ANKRD26: variants seen among roughly 807,000 people sequenced by gnomAD.
The protein encoded by ANKRD26 is ankyrin repeat domain 26.
In ANKRD26, 141 loss-of-function variants were observed where a neutral mutation model predicts 208.7. The observed-to-expected ratio is 0.68, with a 90% CI of 0.59 to 0.78. ANKRD26 has a LOEUF of 0.78. Ranked by LOEUF, ANKRD26 falls within the 30% of genes least tolerant of loss-of-function variation. ANKRD26 has a pLI of 0.00. For missense variants in ANKRD26, 1,889 were observed against 1,938.7 expected, an observed-to-expected ratio of 0.97 and a Z score of 0.48; for synonymous variants, 636 against 660.4, an observed-to-expected ratio of 0.96 and a Z score of 0.57.
intron 31 of ANKRD26, among the ~76,000 whole-genome samples, chr10:27,013,619 A>AGAGATTAAAACCAG (rs2053191855): frequency 6.6e-6 from 1 of 152,234 alleles, no homozygotes; most frequent in South Asian, 2.1e-4. Flanking sequence ...AAATACTTGT[A>AGAGATTAAAACCAG]TTTAGTAAAC....
chr10:26,987,108 T>G (rs1350820824), downstream of ANKRD26, among the ~76,000 whole-genome samples: 5 of 151,974 alleles, frequency 3.3e-5, no homozygotes, highest in Non-Finnish European at 7.4e-5. Flanking sequence ...CCATAAAAAA[T>G]GATGAGTTCA....
chr10:27,033,138 A>G, intron 25 of ANKRD26, 87 bp downstream of exon 25: 1 of 953,322 alleles, frequency 1.0e-6, no homozygotes, highest in African/African-American at 1.7e-5. Context: ...ACACAAAAGA[A>G]GGCTACCCAC....
rs746897749 is a variant in ANKRD26, at chr10:27,033,386, A to T, written c.3655-9T>A. On this transcript the variant is annotated splice_polypyrimidine_tract_variant and intron_variant, in intron 24 of 33. Transcript: ENST00000376087. Reference sequence around the variant, plus strand: ...AGTTGTCTCACAACAACCTGATAAGACATTTTGTTACTGATTTTATAAATC... The same window carrying T: ...AGTTGTCTCACAACAACCTGATAAGTCATTTTGTTACTGATTTTATAAATC... 6.2e-7 allele frequency: 1 copy of T among 1,606,662 alleles called. No homozygotes were observed. The highest frequency in any genetic ancestry group is 8.5e-7 in the Non-Finnish European group (1 of 1,175,778).
At chr10:26,949,681 T>C in the ANKRD26 span, among the ~76,000 whole-genome samples, 1 of 152,168 alleles carries the variant, frequency 6.6e-6, no homozygotes, top group South Asian at 2.1e-4. Flanking sequence ...ATTTTTGTAT[T>C]TTTAGTAGAG....
chr10:27,071,898 TC>T, intron 9 of ANKRD26, among the ~76,000 whole-genome samples: 1 of 152,156 alleles, frequency 6.6e-6, no homozygotes, highest in Non-Finnish European at 1.5e-5. Flanking sequence ...TTGCATGCAT[TC>T]CCTGACTCCA....
At chr10:27,037,801 A>G (rs2054092604) in intron 22 of ANKRD26, 70 bp downstream of exon 22, 1 of 1,254,844 alleles carries the variant, frequency 8.0e-7, no homozygotes, top group Non-Finnish European at 1.1e-6. Flanking sequence ...CATATATTAA[A>G]TCAAAAGGAT....
rs74128529 is a variant in ANKRD26, at chr10:27,014,732, A to T, written c.4507-21T>A. The T allele has an allele frequency of 4.2e-5, 67 of 1,591,526 alleles. No individual in the cohort carries two copies. The South Asian group carries it at 7.2e-4, about 17-fold the overall frequency. On this transcript the variant is annotated intron_variant, in intron 30 of 33. Transcript: ENST00000376087. ...TGTGCCTAAAACAAATTAAAAGCAT[A>T]TGTTTTAAAAATATATAACCTGAGT...
At chr10:27,043,373 A>C (rs1299504973) in intron 20 of ANKRD26, 53 bp downstream of exon 20, 1 of 1,580,334 alleles carries the variant, frequency 6.3e-7, no homozygotes, top group African/African-American at 1.3e-5. Context: ...ATTACATTAC[A>C]TACATTACAA....
intron 11 of ANKRD26, among the ~76,000 whole-genome samples, chr10:27,065,762 C>A (rs1213766442): frequency 6.7e-6 from 1 of 148,900 alleles, no homozygotes; most frequent in Non-Finnish European, 1.5e-5. Flanking sequence ...AACTACATTC[C>A]AAACTGTTTC....
At chr10:26,964,559 T>C in the ANKRD26 span, among the ~76,000 whole-genome samples, 64,855 of 151,984 alleles carry the variant, frequency 0.43, 16,525 homozygotes, top group Non-Finnish European at 0.54. Flanking sequence ...TGAGAAGAAA[T>C]AGTGTTTGAT....
At chr10:27,028,374 A>G (rs912980940) in intron 27 of ANKRD26, among the ~76,000 whole-genome samples, 1 of 151,964 alleles carries the variant, frequency 6.6e-6, no homozygotes, top group East Asian at 1.9e-4. Flanking sequence ...AGGCGGGCGG[A>G]TCATGAGGTC....
the ANKRD26 span, among the ~76,000 whole-genome samples, chr10:26,955,776 A>T: frequency 6.6e-6 from 1 of 152,226 alleles, no homozygotes; most frequent in African/African-American, 2.4e-5. Context: ...AAGTGAGAAC[A>T]TTAAGAAGGC....
rs189290581 is a variant in ANKRD26, at chr10:27,030,167, G to T, written c.3808-811C>A. ...TTAGGCAGATGGCATGCCAATGGAAGTGGTCTACTATAGCTGCACTGAATC... is the reference window on the plus strand; with the variant it reads ...TTAGGCAGATGGCATGCCAATGGAATTGGTCTACTATAGCTGCACTGAATC... On this transcript the variant is annotated intron_variant, in intron 25 of 33. Transcript: ENST00000376087. 1.4e-4 allele frequency among the ~76,000 whole-genome samples: 21 copies of T among 152,300 alleles called. 1 individual carries two copies. Among genetic ancestry groups the T allele is most frequent in the Admixed American group, 1.4e-3 (21 of 15,302 alleles).
the ANKRD26 span, among the ~76,000 whole-genome samples, chr10:26,952,852 G>A: frequency 1.3e-5 from 2 of 152,230 alleles, no homozygotes; most frequent in East Asian, 1.9e-4. Context: ...GAGTTATGCT[G>A]GTAACTGCTA....
chr10:27,084,037 A>AC (rs2056022782), intron 5 of ANKRD26, among the ~76,000 whole-genome samples: 1 of 151,948 alleles, frequency 6.6e-6, no homozygotes, highest in Admixed American at 6.6e-5. Flanking sequence ...ACATGGAGAA[A>AC]CCCCGTCTCT....
chr10:27,093,411 C>T lies in ANKRD26; in HGVS notation c.469G>A (p.Glu157Lys). Residue 157 changes from glutamate to lysine, a missense_variant, in exon 3 of 34, where the codon GAG (glutamate) becomes AAG (lysine). By Grantham distance (56) the Glu-to-Lys change is moderately conservative. Coordinates refer to ENST00000376087, the MANE Select transcript of ANKRD26 (RefSeq NM_014915.3). ...NTALHYAVYN[E>K]DISVATKLLL... The stretch of plus-strand genomic sequence containing the variant: ...AGCTTTGTTGCTACTGATATGTCCT[C>T]ATTATAGACAGCATAGTGAAGAGCA... 1 of 1,614,176 alleles carries T rather than the reference C, an allele frequency of 6.2e-7. No homozygotes were observed. Among genetic ancestry groups the T allele is most frequent in the Non-Finnish European group, 8.5e-7 (1 of 1,180,028 alleles).
At position 27,006,796 on chromosome 10, in the gene ANKRD26, AG is replaced by A. The variant is rs1363690426; in HGVS notation, c.4999+120del. ...ATCTTTCATTAGATGTGTGTAAGAA[AG>A]AACATTTAATGTAGTATCTATTAGC... On this transcript the variant is annotated intron_variant, in intron 33 of 33. Transcript: ENST00000376087. The A allele has an allele frequency of 3.9e-6, 3 of 770,814 alleles. No individual in the cohort carries two copies. In the African/African-American group the frequency reaches 5.2e-5, roughly 13 times the overall value. 47.7% of individuals were successfully genotyped at this position (770,814 alleles called of 1,614,324 possible).
rs188593400 is a variant in ANKRD26 at position 27,046,832 on chromosome 10, A to G, written c.1815-309T>C. Among the ~76,000 whole-genome samples, 51 of 152,282 alleles carry G rather than the reference A, an allele frequency of 3.3e-4. No homozygotes were observed. In the East Asian group the frequency reaches 8.1e-3, roughly 24 times the overall value. On this transcript the variant is annotated intron_variant, in intron 17 of 33. Coordinates refer to ENST00000376087, the MANE Select transcript of ANKRD26 (RefSeq NM_014915.3). ...TGTGATATGTAAGGTTGATATATGA[A>G]AAGATATATCTGAACACAAGGACAG... is the stretch of plus-strand genomic sequence containing the variant.
chr10:27,006,889 A>G (rs1198061498), intron 33 of ANKRD26, 28 bp downstream of exon 33: 14 of 1,548,046 alleles, frequency 9.0e-6, no homozygotes, highest in Non-Finnish European at 1.2e-5. Context: ...ATTAATCTAA[A>G]TTTAATTCAT....
Sources: gnomAD v4.1 joint callset for allele counts (sites outside exome capture counted in the v4.1 genomes callset) on GRCh38, gnomAD v4.1.1 for gene constraint, MANE v1.5 for transcripts, NCBI Gene and HGNC (gene_info 2026-07-23, HGNC 2026-07-21) for gene names.